Variants in CDH13 observed in about 807,000 individuals in gnomAD.
CDH13 encodes cadherin 13, also known as cadherin-13.
Under a neutral mutation model 63.8 loss-of-function variants are expected in CDH13, and 24 were observed. That is an observed-to-expected ratio of 0.38 (90% CI 0.27 to 0.53). The LOEUF is 0.53. Ranked by LOEUF, CDH13 falls within the 20% of genes least tolerant of loss-of-function variation. The pLI is 0.85. For synonymous variants in CDH13, 503 were observed against 355.3 expected, an observed-to-expected ratio of 1.42 and a Z score of -4.67; for missense variants, 1,049 against 903.1, an observed-to-expected ratio of 1.16 and a Z score of -2.07.
rs185808066 is a variant in CDH13 at position 83,446,252 on chromosome 16, G to C, written c.782-40225G>C. 4.7e-5 allele frequency among the ~76,000 whole-genome samples: 7 copies of C among 148,696 alleles called. No individual in the cohort carries two copies. In the East Asian group the frequency reaches 1.4e-3, roughly 29 times the overall value. On this transcript the variant is annotated intron_variant, in intron 6 of 13. Coordinates refer to ENST00000567109, the MANE Select transcript of CDH13 (RefSeq NM_001257.5). ...CAGCAGGCAGAGGTTGCGGTGAGCCGAGATCATGCCACTGCACTCCAGCCT... is the reference window on the plus strand; with the variant it reads ...CAGCAGGCAGAGGTTGCGGTGAGCCCAGATCATGCCACTGCACTCCAGCCT...
At chr16:83,678,117 T>A in intron 9 of CDH13, 91 bp from the exon 10 acceptor site, 1 of 1,393,576 alleles carries the variant, frequency 7.2e-7, no homozygotes, top group Non-Finnish European at 9.9e-7. Flanking sequence ...GAAGGCCCAC[T>A]GTTGCTCGTG....
At chr16:83,171,659 G>A (rs1019850337) in intron 4 of CDH13, 1 of 1,048,696 alleles carries the variant, frequency 9.5e-7, no homozygotes, top group African/African-American at 1.6e-5. Context: ...AGGGGATTTA[G>A]TGACACTGCA....
intron 2 of CDH13, chr16:82,954,136 T>C (rs1405712433): frequency 6.6e-6 from 1 of 152,206 alleles, no homozygotes; most frequent in African/African-American, 2.4e-5. Context: ...ATTGTCTCTG[T>C]GGGCACCTGG....
chr16:83,644,275 A>C (rs568907724), intron 8 of CDH13, among the ~76,000 whole-genome samples: 2 of 152,222 alleles, frequency 1.3e-5, no homozygotes, highest in East Asian at 1.9e-4. Flanking sequence ...CTTCTGATCC[A>C]TAATGCCAAA....
At chr16:82,781,782 G>C (rs2035766987) in intron 1 of CDH13, among the ~76,000 whole-genome samples, 2 of 152,094 alleles carry the variant, frequency 1.3e-5, no homozygotes. Flanking sequence ...GTAAGCATTG[G>C]TAATAAAGAG....
At chr16:82,777,465 A>G (rs2151107446) in intron 1 of CDH13, among the ~76,000 whole-genome samples, 1 of 152,296 alleles carries the variant, frequency 6.6e-6, no homozygotes, top group East Asian at 1.9e-4. Flanking sequence ...GGTGCCTCCA[A>G]GAGTTGTGCC....
intron 7 of CDH13, among the ~76,000 whole-genome samples, chr16:83,549,711 G>A (rs147011510): frequency 5.3e-5 from 8 of 151,162 alleles, no homozygotes; most frequent in African/African-American, 1.9e-4. Flanking sequence ...TAATGAAAAC[G>A]CTACCGCATT....
intron 5 of CDH13, among the ~76,000 whole-genome samples, chr16:83,276,666 C>G (rs112481356): frequency 2.6e-5 from 4 of 151,910 alleles, no homozygotes; most frequent in East Asian, 1.9e-4. Flanking sequence ...TTCGGGAGAT[C>G]GAGACCATCC....
At chr16:82,726,073 A>C (rs115906276) in intron 1 of CDH13, among the ~76,000 whole-genome samples, 1 of 152,286 alleles carries the variant, frequency 6.6e-6, no homozygotes, top group Non-Finnish European at 1.5e-5. Flanking sequence ...TTCATTAATC[A>C]TGGGACATTT....
intron 1 of CDH13, among the ~76,000 whole-genome samples, chr16:82,773,796 T>C (rs2151100767): frequency 7.0e-6 from 1 of 142,572 alleles, no homozygotes; most frequent in East Asian, 2.0e-4. Flanking sequence ...TTCTTCTTTT[T>C]TTTTTTAAAT....
chr16:82,627,609 G>T (rs1404956902), intron 1 of CDH13, among the ~76,000 whole-genome samples: 1 of 152,064 alleles, frequency 6.6e-6, no homozygotes, highest in African/African-American at 2.4e-5. Context: ...GGGCTGGAGA[G>T]GCCGAGCAGG....
At chr16:83,484,934 C>G (rs1198075718) in intron 6 of CDH13, among the ~76,000 whole-genome samples, 4 of 152,208 alleles carry the variant, frequency 2.6e-5, no homozygotes, top group African/African-American at 7.2e-5. Flanking sequence ...CAATGGGAAA[C>G]AGAACCATGT....
chr16:83,434,366 G>A (rs2072220631), intron 6 of CDH13, among the ~76,000 whole-genome samples: 1 of 152,144 alleles, frequency 6.6e-6, no homozygotes, highest in Non-Finnish European at 1.5e-5. Context: ...GTGTGACAGA[G>A]ATGACATGCA....
At chr16:83,423,407 G>A (rs4782534) in intron 6 of CDH13, among the ~76,000 whole-genome samples, 129,707 of 152,104 alleles carry the variant, frequency 0.85, 55,701 homozygotes, top group East Asian at 1. Context: ...TGTGTGATCT[G>A]TCTTCTTCTG....
chr16:82,848,889 G>A (rs1177490754), intron 1 of CDH13, among the ~76,000 whole-genome samples: 1 of 152,172 alleles, frequency 6.6e-6, no homozygotes, highest in Non-Finnish European at 1.5e-5. Flanking sequence ...CTGAAAGCTA[G>A]GTTTCTTGTG....
chr16:83,076,689 C>T (rs1597283498), intron 3 of CDH13, among the ~76,000 whole-genome samples: 1 of 151,968 alleles, frequency 6.6e-6, no homozygotes, highest in Admixed American at 6.6e-5. Flanking sequence ...ACTTTTTATG[C>T]ATTTCAAAGT....
chr16:82,687,358 G>C (rs1272909193), intron 1 of CDH13, among the ~76,000 whole-genome samples: 2 of 152,248 alleles, frequency 1.3e-5, no homozygotes, highest in South Asian at 2.1e-4. Context: ...CAACTTTACT[G>C]GTCTATGTGG....
chr16:83,766,685 C>T (rs146757073), intron 11 of CDH13, among the ~76,000 whole-genome samples: 44 of 152,306 alleles, frequency 2.9e-4, no homozygotes, highest in African/African-American at 1.0e-3. Context: ...TGTTGAGATC[C>T]TAACATTCTG....
At chr16:83,518,941 G>A (rs1019353633) in intron 7 of CDH13, among the ~76,000 whole-genome samples, 1 of 152,122 alleles carries the variant, frequency 6.6e-6, no homozygotes, top group African/African-American at 2.4e-5. Context: ...AAATTACCCA[G>A]TCTCTGGTAT....
Sources: gnomAD v4.1 joint callset for allele counts (sites outside exome capture counted in the v4.1 genomes callset) on GRCh38, gnomAD v4.1.1 for gene constraint, MANE v1.5 for transcripts, NCBI Gene and HGNC (gene_info 2026-07-23, HGNC 2026-07-21) for gene names.